The following KLHL25 variants were observed in gnomAD, a reference collection of about 807,000 sequenced individuals.
KLHL25 encodes kelch-like protein 25.
In KLHL25, 41 loss-of-function variants were observed where a neutral mutation model predicts 30.0. That is an observed-to-expected ratio of 1.37 (90% CI 1.07 to 1.78). KLHL25 has a LOEUF of 1.78. Ranked by LOEUF, KLHL25 falls within the 40% of genes most tolerant of loss-of-function variation. KLHL25 has a pLI of 0.00. For missense variants in KLHL25, 971 were observed against 824.5 expected, an observed-to-expected ratio of 1.18 and a Z score of -2.18; for synonymous variants, 399 against 355.3, an observed-to-expected ratio of 1.12 and a Z score of -1.38.
chr15:85,785,974 C>T (rs1409448649), intron 1 of KLHL25, among the ~76,000 whole-genome samples: 1 of 146,690 alleles, frequency 6.8e-6, no homozygotes, highest in Admixed American at 6.8e-5. Flanking sequence ...ACCCCCCCGC[C>T]CCAGGAGGAC....
intron 1 of KLHL25, among the ~76,000 whole-genome samples, chr15:85,788,690 A>G (rs772943398): frequency 8.5e-5 from 13 of 152,188 alleles, no homozygotes; most frequent in Non-Finnish European, 1.6e-4. Context: ...CCCAAGCAGG[A>G]GCTCTTTGAA....
intron 1 of KLHL25, among the ~76,000 whole-genome samples, chr15:85,793,708 CCTCT>C (rs2089831759): frequency 6.6e-6 from 1 of 152,192 alleles, no homozygotes; most frequent in Admixed American, 6.5e-5. Context: ...TCCTTCCCTT[CCTCT>C]CTCTATTGGG....
At chr15:85,762,385 T>A (rs898546020) in intron 2 of KLHL25, 3 of 152,302 alleles carry the variant, frequency 2.0e-5, no homozygotes, top group Admixed American at 1.3e-4. Flanking sequence ...GGAATACAGA[T>A]GACAGCTAGA....
chr15:85,791,190 G>C (rs1188223816), intron 1 of KLHL25, among the ~76,000 whole-genome samples: 30 of 37,172 alleles, frequency 8.1e-4, no homozygotes, highest in Middle Eastern at 0.023. Context: ...GTAAGACTCA[G>C]TCTCAAAAAA....
intron 1 of KLHL25, chr15:85,770,563 C>A (rs1567239488): frequency 1.9e-6 from 1 of 533,532 alleles, no homozygotes; most frequent in South Asian, 1.4e-5. Flanking sequence ...CCACAGGGCT[C>A]TTTACCTAGC....
chr15:85,785,965 C>CT (rs370951423), intron 1 of KLHL25, among the ~76,000 whole-genome samples: 2 of 37,432 alleles, frequency 5.3e-5, no homozygotes, highest in Admixed American at 3.3e-4. Context: ...AGCCGACCCA[C>CT]CCCCCCGCCC....
chr15:85,768,316 C>A lies in KLHL25; in HGVS notation c.1495G>T (p.Gly499Cys). 1 of 1,613,984 alleles carries A rather than the reference C, an allele frequency of 6.2e-7. No homozygotes were observed. The highest frequency in any genetic ancestry group is 8.5e-7 in the Non-Finnish European group (1 of 1,180,044). The change falls in exon 2 of 3, where the codon GGT becomes TGT. Residue 499 changes from glycine to cysteine, a missense_variant. Coordinates refer to ENST00000337975, the MANE Select transcript of KLHL25 (RefSeq NM_022480.4). ...VLGSQIFIMG[G>C]DTEFTAASAY... ...GAGGCGGCTGTGAATTCCGTGTCAC[C>A]TCCCATGATGAAGATCTGGCTGCCC...
chr15:85,776,378 A>T (rs1597277343), intron 1 of KLHL25, among the ~76,000 whole-genome samples: 1 of 151,668 alleles, frequency 6.6e-6, no homozygotes, highest in East Asian at 1.9e-4. Flanking sequence ...AGTCCCAGCT[A>T]CTTGGGAGGC....
intron 1 of KLHL25, among the ~76,000 whole-genome samples, chr15:85,782,563 C>T (rs113376095): frequency 0.018 from 2,805 of 151,860 alleles, 37 homozygotes; most frequent in Non-Finnish European, 0.027. Context: ...ACACCCTCAC[C>T]TCCCCAATCT....
chr15:85,770,620 C>T (rs575283858), intron 1 of KLHL25: 33 of 515,436 alleles, frequency 6.4e-5, no homozygotes, highest in Admixed American at 5.3e-4. Context: ...GACTCACCCT[C>T]GAGACCAACG....
intron 1 of KLHL25, among the ~76,000 whole-genome samples, chr15:85,774,938 G>A (rs534619573): frequency 3.1e-4 from 46 of 149,760 alleles, no homozygotes; most frequent in African/African-American, 9.8e-4. Flanking sequence ...GTGCAATGGC[G>A]CGATCTCAGC....
intron 2 of KLHL25, chr15:85,762,598 T>A (rs549272282): frequency 1.3e-5 from 2 of 152,418 alleles, no homozygotes; most frequent in Non-Finnish European, 2.9e-5. Context: ...GTGCAGCAGG[T>A]CTTGGCCAAC....
intron 1 of KLHL25, 28 bp from the exon 2 acceptor site, chr15:85,769,848 G>C (rs1269195918): frequency 1.3e-6 from 2 of 1,564,410 alleles, no homozygotes; most frequent in Admixed American, 1.7e-5. Context: ...CCACAGGTTA[G>C]AGGAGCCCCT....
At chr15:85,788,239 G>A (rs2089793982) in intron 1 of KLHL25, among the ~76,000 whole-genome samples, 1 of 152,146 alleles carries the variant, frequency 6.6e-6, no homozygotes, top group African/African-American at 2.4e-5. Context: ...CGCAGGCCCA[G>A]CCTTTGCACG....
At chr15:85,767,615 C>T (rs983263430) in intron 2 of KLHL25, among the ~76,000 whole-genome samples, 2 of 152,118 alleles carry the variant, frequency 1.3e-5, no homozygotes, top group Non-Finnish European at 2.9e-5. Flanking sequence ...CAAAATTGAC[C>T]GAGGGTGGTT....
At chr15:85,791,770 C>T (rs1028956640) in intron 1 of KLHL25, among the ~76,000 whole-genome samples, 1 of 152,156 alleles carries the variant, frequency 6.6e-6, no homozygotes, top group Non-Finnish European at 1.5e-5. Flanking sequence ...TGCCAGACCC[C>T]ATTCTAGGGG....
At chr15:85,785,053 C>T (rs2089771690) in intron 1 of KLHL25, among the ~76,000 whole-genome samples, 1 of 151,612 alleles carries the variant, frequency 6.6e-6, no homozygotes, top group Non-Finnish European at 1.5e-5. Flanking sequence ...AATTCCTGGA[C>T]ATGTGATGCT....
At chr15:85,788,706 C>A in intron 1 of KLHL25, among the ~76,000 whole-genome samples, 1 of 152,174 alleles carries the variant, frequency 6.6e-6, no homozygotes, top group East Asian at 1.9e-4. Flanking sequence ...TTGAACCTGA[C>A]TTTCTTTCCT....
rs112511379 is a variant in KLHL25, at chr15:85,760,734, G to A, written c.*302C>T. On this transcript the variant is annotated 3_prime_UTR_variant, in exon 3 of 3. Coordinates refer to ENST00000337975, the MANE Select transcript of KLHL25 (RefSeq NM_022480.4). ...AACAGGTGATCTCAAGGCTCTGCAA[G>A]TGTCCTTCTCCCCGACGCCAGGGTC... 1 of 152,420 alleles carries A rather than the reference G, an allele frequency of 6.6e-6. No homozygotes were observed. The highest frequency in any genetic ancestry group is 2.4e-5 in the African/African-American group (1 of 41,480). 9.4% of individuals were successfully genotyped at this position (152,420 alleles called of 1,614,324 possible). A position where few individuals can be genotyped will look rare whatever the true frequency, so the allele number is the denominator to read the frequency against.
Sources: gnomAD v4.1 joint callset for allele counts (sites outside exome capture counted in the v4.1 genomes callset) on GRCh38, gnomAD v4.1.1 for gene constraint, MANE v1.5 for transcripts, NCBI Gene and HGNC (gene_info 2026-07-23, HGNC 2026-07-21) for gene names.